Variants in GABPB1 observed in about 807,000 individuals in gnomAD.
GABPB1 encodes GA binding protein transcription factor subunit beta 1, also known as GA-binding protein subunit beta-1.
Under a neutral mutation model 45.9 loss-of-function variants are expected in GABPB1, and 15 were observed. The ratio of observed to expected loss-of-function variants is 0.33; its 90% CI spans 0.22 to 0.50. The LOEUF (loss-of-function observed/expected upper bound fraction) is 0.50, where lower values mean the gene tolerates loss of function less well. Ranked by LOEUF, GABPB1 falls within the 20% of genes least tolerant of loss-of-function variation. The pLI is 0.98. For missense variants in GABPB1, 252 were observed against 457.5 expected, an observed-to-expected ratio of 0.55 and a Z score of 4.10; for synonymous variants, 143 against 154.4, an observed-to-expected ratio of 0.93 and a Z score of 0.55.
intron 2 of GABPB1, among the ~76,000 whole-genome samples, chr15:50,305,245 G>C (rs1440356371): frequency 1.3e-5 from 2 of 152,134 alleles, no homozygotes; most frequent in African/African-American, 4.8e-5. Context: ...AAGAGATTAA[G>C]TGAGATATAT....
chr15:50,313,838 A>G (rs933130869), intron 1 of GABPB1, among the ~76,000 whole-genome samples: 2 of 152,160 alleles, frequency 1.3e-5, no homozygotes. Context: ...TTACTATATT[A>G]CCTAATTTAA....
intron 1 of GABPB1, among the ~76,000 whole-genome samples, chr15:50,326,215 T>C (rs957009410): frequency 2.6e-5 from 4 of 152,130 alleles, no homozygotes; most frequent in Admixed American, 1.3e-4. Flanking sequence ...TGGATTCTTT[T>C]AGAAAAACTT....
chr15:50,305,523 T>A (rs2141035608), intron 2 of GABPB1, among the ~76,000 whole-genome samples: 1 of 152,148 alleles, frequency 6.6e-6, no homozygotes, highest in East Asian at 1.9e-4. Flanking sequence ...AGCTAAACCT[T>A]ACATTTTTAA....
At chr15:50,325,914 T>A (rs77285238) in intron 1 of GABPB1, among the ~76,000 whole-genome samples, 2 of 46,778 alleles carry the variant, frequency 4.3e-5, no homozygotes, top group Non-Finnish European at 1.4e-4. Flanking sequence ...TTTTTTTTGT[T>A]TTTTTTTTTT....
intron 1 of GABPB1, among the ~76,000 whole-genome samples, chr15:50,348,043 GAAA>G (rs763521486): frequency 3.5e-5 from 4 of 113,722 alleles, no homozygotes; most frequent in Non-Finnish European, 6.7e-5. Flanking sequence ...ACTCCATCTG[GAAA>G]AAAAAAAAAA....
intron 1 of GABPB1, among the ~76,000 whole-genome samples, chr15:50,342,058 T>C (rs1265535308): frequency 6.6e-6 from 1 of 152,238 alleles, no homozygotes; most frequent in Non-Finnish European, 1.5e-5. Flanking sequence ...CTCATGATTC[T>C]ACTCCTTTAT....
Position 50,275,999 on chromosome 15 carries a change from A to T in GABPB1, c.*2633T>A, listed in dbSNP as rs1410084249. On this transcript the variant is annotated 3_prime_UTR_variant, in exon 9 of 9. Coordinates refer to ENST00000380877, the MANE Select transcript of GABPB1 (RefSeq NM_016654.5). ...CTAACGAACTCAGTGTCTGGATAGTACGTAACAAGAACGATTCTAGGTGCA... is the reference window on the plus strand; with the variant it reads ...CTAACGAACTCAGTGTCTGGATAGTTCGTAACAAGAACGATTCTAGGTGCA... 1 of 152,214 alleles carries T rather than the reference A, an allele frequency of 6.6e-6. No homozygotes were observed. The highest frequency in any genetic ancestry group is 1.5e-5 in the Non-Finnish European group (1 of 68,046). The allele number at this position is 152,214 out of a possible 1,614,324, so 9.4% of individuals were successfully genotyped here.
intron 8 of GABPB1, among the ~76,000 whole-genome samples, chr15:50,281,479 A>C (rs7179819): frequency 6.6e-6 from 1 of 152,156 alleles, no homozygotes; most frequent in Non-Finnish European, 1.5e-5. Flanking sequence ...CCAAAGTGCT[A>C]GGATTACAGG....
chr15:50,337,073 G>GTGTGTA (rs2048162051), intron 1 of GABPB1, among the ~76,000 whole-genome samples: 3 of 9,618 alleles, frequency 3.1e-4, no homozygotes, highest in Non-Finnish European at 8.9e-4. Context: ...GTATATGTGT[G>GTGTGTA]TGTATATATA....
At chr15:50,308,909 C>CA (rs2047035335) in intron 2 of GABPB1, among the ~76,000 whole-genome samples, 2 of 151,916 alleles carry the variant, frequency 1.3e-5, no homozygotes, top group African/African-American at 4.8e-5. Context: ...ATACAGTAGA[C>CA]AGAGTTATAG....
At chr15:50,321,821 T>G (rs2047581450) in intron 1 of GABPB1, among the ~76,000 whole-genome samples, 1 of 152,124 alleles carries the variant, frequency 6.6e-6, no homozygotes, top group Admixed American at 6.6e-5. Flanking sequence ...CTTTTTTAAA[T>G]GTAATCTAAA....
Position 50,277,852 on chromosome 15 carries a change from G to C in GABPB1, c.*780C>G, listed in dbSNP as rs2045867127. On this transcript the variant is annotated 3_prime_UTR_variant, in exon 9 of 9. Coordinates refer to ENST00000380877, the MANE Select transcript of GABPB1 (RefSeq NM_016654.5). The stretch of plus-strand genomic sequence containing the variant: ...TTGGCAAATTCAAGTTATCTTGTAG[G>C]CTGCTCCTTCCGAGAACACTGTCAT... 6.6e-6 allele frequency: 1 copy of C among 152,502 alleles called. No homozygotes were observed. Among genetic ancestry groups the C allele is most frequent in the African/African-American group, 2.4e-5 (1 of 41,402 alleles). 9.4% of individuals were successfully genotyped at this position (152,502 alleles called of 1,614,324 possible).
At chr15:50,295,609 C>T (rs2046484256) in intron 6 of GABPB1, among the ~76,000 whole-genome samples, 1 of 144,372 alleles carries the variant, frequency 6.9e-6, no homozygotes, top group African/African-American at 2.6e-5. Flanking sequence ...AAATACATAT[C>T]TGTAATTCCC....
Position 50,289,599 on chromosome 15 carries a change from C to A in GABPB1, c.767G>T (p.Gly256Val), listed in dbSNP as rs2046280361. The change falls in exon 7 of 9, where the codon GGG (glycine) becomes GTG (valine). Residue 256 changes from glycine to valine, a missense_variant. By Grantham distance (109) the Gly-to-Val change is moderately radical. Coordinates refer to ENST00000380877, the MANE Select transcript of GABPB1 (RefSeq NM_016654.5). The stretch of plus-strand genomic sequence containing the variant: ...AACTATTGTGATGACTTGCTGACCC[C>A]CTGAACTAACTACTTGCTGAATGGC... ...DGAIQQVVSS[G>V]GQQVITIVTD... The A allele has an allele frequency of 1.9e-6, 3 of 1,613,574 alleles. No individual in the cohort carries two copies. The highest frequency in any genetic ancestry group is 1.7e-6 in the Non-Finnish European group (2 of 1,179,810).
chr15:50,289,003 T>G (rs1416506566), intron 7 of GABPB1, among the ~76,000 whole-genome samples: 8 of 151,942 alleles, frequency 5.3e-5, no homozygotes, highest in Non-Finnish European at 1.2e-4. Context: ...TTTTGAATAT[T>G]TTTTTTAGAC....
At position 50,300,916 on chromosome 15, in the gene GABPB1, GA is replaced by G. The variant is rs1434186676; in HGVS notation, c.584-15del. On this transcript the variant is annotated splice_polypyrimidine_tract_variant and intron_variant, in intron 5 of 8. Transcript: ENST00000380877. Reference sequence around the variant, plus strand: ...CACCCGTTTCATCTGTAAGAAAAAAGAAAATAGATTTGAATTTCTAAGGAGC... The same window carrying G: ...CACCCGTTTCATCTGTAAGAAAAAAGAAATAGATTTGAATTTCTAAGGAGC... 3 of 1,455,232 alleles carry G rather than the reference GA, an allele frequency of 2.1e-6. No individual in the cohort carries two copies. The East Asian group carries it at 6.8e-5, about 33-fold the overall frequency. The allele number at this position is 1,455,232 out of a possible 1,614,324, so 90.1% of individuals were successfully genotyped here.
intron 1 of GABPB1, among the ~76,000 whole-genome samples, chr15:50,334,306 C>T (rs184273735): frequency 6.6e-6 from 1 of 151,836 alleles, no homozygotes; most frequent in African/African-American, 2.4e-5. Context: ...CCAATTAAGA[C>T]TCTCTCACTC....
At chr15:50,300,494 G>C (rs572831515) in intron 6 of GABPB1, among the ~76,000 whole-genome samples, 1 of 130,262 alleles carries the variant, frequency 7.7e-6, no homozygotes, top group East Asian at 2.2e-4. Flanking sequence ...CCAGGCTGGA[G>C]TGCAGTGGCA....
rs879550186 is a variant in GABPB1, at chr15:50,339,500, G to GA, written c.-1+15484dup. Reference sequence around the variant, plus strand: ...GGCAACAGAGTAAGACTCCACCTTGGAAAAAAAAAAAAAAACTTCTTGAAA... The same window carrying GA: ...GGCAACAGAGTAAGACTCCACCTTGGAAAAAAAAAAAAAAAACTTCTTGAAA... On this transcript the variant is annotated intron_variant, in intron 1 of 8. Transcript: ENST00000380877. Among the ~76,000 whole-genome samples the GA allele has an allele frequency of 6.2e-3, 707 of 114,534 alleles. 1 individual carries two copies. The highest frequency in any genetic ancestry group is 5.8e-3 in the African/African-American group (183 of 31,548). 75.1% of individuals were successfully genotyped at this position (114,534 alleles called of 152,430 possible). A position where few individuals can be genotyped will look rare whatever the true frequency, so the allele number is the denominator to read the frequency against.
Sources: gnomAD v4.1 joint callset for allele counts (sites outside exome capture counted in the v4.1 genomes callset) on GRCh38, gnomAD v4.1.1 for gene constraint, MANE v1.5 for transcripts, NCBI Gene and HGNC (gene_info 2026-07-23, HGNC 2026-07-21) for gene names.